RAPGEF2: variants seen among roughly 807,000 people sequenced by gnomAD.
RAPGEF2 encodes Rap guanine nucleotide exchange factor 2.
Under a neutral mutation model 186.7 loss-of-function variants are expected in RAPGEF2, and 54 were observed. That is an observed-to-expected ratio of 0.29 (90% CI 0.23 to 0.36). RAPGEF2 has a LOEUF of 0.36. RAPGEF2 is among the 10% of genes least tolerant of loss of function. The probability of loss-of-function intolerance (pLI) is 1.00; values close to 1 mark genes in which losing one functional copy is unlikely to be tolerated. For missense variants in RAPGEF2, 1,532 were observed against 2,045.0 expected, an observed-to-expected ratio of 0.75 and a Z score of 4.84; for synonymous variants, 712 against 705.9, an observed-to-expected ratio of 1.01 and a Z score of -0.14.
At chr4:159,178,506 T>TG (rs1222885423) in intron 1 of RAPGEF2, among the ~76,000 whole-genome samples, 4 of 149,356 alleles carry the variant, frequency 2.7e-5, no homozygotes, top group Non-Finnish European at 5.9e-5. Context: ...GCCCAGGATG[T>TG]GGGGTACTCT....
In RAPGEF2 at chr4:159,359,802, T is replaced by A. The variant is rs973562339; in HGVS notation, c.*1663T>A. ...TATTTGCCAGTTTTATTATATAGGC[T>A]ATGGACCTCATGTGCATATAGAAAG... On this transcript the variant is annotated 3_prime_UTR_variant, in exon 30 of 30. Coordinates refer to ENST00000691494, the MANE Select transcript of RAPGEF2 (RefSeq NM_001394067.2). The A allele has an allele frequency of 6.6e-6, 1 of 152,238 alleles. No individual in the cohort carries two copies. Among genetic ancestry groups the A allele is most frequent in the African/African-American group, 2.4e-5 (1 of 41,462 alleles). The allele number at this position is 152,238 out of a possible 1,614,324, so 9.4% of individuals were successfully genotyped here. A position where few individuals can be genotyped will look rare whatever the true frequency, so the allele number is the denominator to read the frequency against.
Position 159,241,352 on chromosome 4 carries a change from C to A in RAPGEF2, c.509C>A (p.Pro170His). ...DPYPMGKPPL[P>H]RGYHTECTKS... ...TATCCCATGGGCAAACCTCCTTTGCCTAGAGGCTATCACACGGTAAGTTAT... is the reference window on the plus strand; with the variant it reads ...TATCCCATGGGCAAACCTCCTTTGCATAGAGGCTATCACACGGTAAGTTAT... The change falls in exon 6 of 30, where the codon CCT becomes CAT. Residue 170 changes from proline to histidine, a missense_variant. Physicochemically the swap from Pro to His is moderately conservative, Grantham distance 77. Around this residue, in one of 4 missense-constraint regions of RAPGEF2, gnomAD observed 810 missense variants for 1,210.5 expected, o/e 0.67. Coordinates refer to ENST00000691494, the MANE Select transcript of RAPGEF2 (RefSeq NM_001394067.2). 1 of 1,495,040 alleles carries A rather than the reference C, an allele frequency of 6.7e-7. No individual in the cohort carries two copies. The highest frequency in any genetic ancestry group is 1.3e-5 in the South Asian group (1 of 75,742). The allele number at this position is 1,495,040 out of a possible 1,614,324, so 92.6% of individuals were successfully genotyped here. A position where few individuals can be genotyped will look rare whatever the true frequency, so the allele number is the denominator to read the frequency against.
chr4:159,104,522 G>C (rs546207858), intron 1 of RAPGEF2, among the ~76,000 whole-genome samples: 52 of 126,696 alleles, frequency 4.1e-4, no homozygotes, highest in African/African-American at 1.1e-3. Context: ...GAGAGAGAGA[G>C]AGAGGGAGAG....
rs140059260 is a variant in RAPGEF2, at chr4:159,247,960, C to T, written c.543+4169C>T. 3.4e-3 allele frequency among the ~76,000 whole-genome samples: 513 copies of T among 152,002 alleles called. 4 individuals are homozygous for T. The highest frequency in any genetic ancestry group is 0.012 in the African/African-American group (495 of 41,464). On this transcript the variant is annotated intron_variant, in intron 7 of 29. Transcript: ENST00000691494. ...TATTTTTAGTAGAGACAAGGTTTCT[C>T]CATATCCGTCAGGCTGGTCGCGAAC...
chr4:159,311,960 T>G (rs1236351816), intron 8 of RAPGEF2, among the ~76,000 whole-genome samples: 1 of 152,198 alleles, frequency 6.6e-6, no homozygotes, highest in Non-Finnish European at 1.5e-5. Flanking sequence ...AGTTTGTTTC[T>G]TAAAGCATGG....
rs1732432325 is a variant in RAPGEF2 at position 159,358,999 on chromosome 4, C to T, written c.*860C>T. On this transcript the variant is annotated 3_prime_UTR_variant, in exon 30 of 30. Transcript: ENST00000691494. ...GTTTGCACATGGCCAGGGGAGGGAA[C>T]TAGGACCCTTGTGTCCTGTCTGAGC... 1 of 152,274 alleles carries T rather than the reference C, an allele frequency of 6.6e-6. No individual in the cohort carries two copies. Among genetic ancestry groups the T allele is most frequent in the Non-Finnish European group, 1.5e-5 (1 of 68,088 alleles). The allele number at this position is 152,274 out of a possible 1,614,324, so 9.4% of individuals were successfully genotyped here.
chr4:159,263,358 T>G (rs1407530752), intron 7 of RAPGEF2, among the ~76,000 whole-genome samples: 1 of 152,206 alleles, frequency 6.6e-6, no homozygotes, highest in East Asian at 1.9e-4. Context: ...ATTAGTTTGA[T>G]GTACTCATAT....
At chr4:159,319,779 T>A (rs879169770) in intron 9 of RAPGEF2, among the ~76,000 whole-genome samples, 13 of 152,040 alleles carry the variant, frequency 8.6e-5, no homozygotes, top group Non-Finnish European at 1.6e-4. Flanking sequence ...GTTTTTTTTT[T>A]AATGCTAGCC....
At chr4:159,105,178 A>G (rs571860273) in intron 1 of RAPGEF2, among the ~76,000 whole-genome samples, 65 of 152,336 alleles carry the variant, frequency 4.3e-4, no homozygotes, top group African/African-American at 1.5e-3. Context: ...TGACTGGATA[A>G]TGACGCATAT....
chr4:159,282,007 T>G (rs1759784884), intron 7 of RAPGEF2, among the ~76,000 whole-genome samples: 1 of 152,166 alleles, frequency 6.6e-6, no homozygotes, highest in Admixed American at 6.5e-5. Flanking sequence ...GTAGGCAGAT[T>G]GCTTCAATGT....
intron 1 of RAPGEF2, among the ~76,000 whole-genome samples, chr4:159,183,746 A>AT (rs971726176): frequency 7.2e-5 from 11 of 151,980 alleles, no homozygotes; most frequent in Non-Finnish European, 1.3e-4. Context: ...TGAACAAAGA[A>AT]TTTTTTTTAT....
At chr4:159,264,797 C>G (rs958449010) in intron 7 of RAPGEF2, among the ~76,000 whole-genome samples, 4 of 152,074 alleles carry the variant, frequency 2.6e-5, no homozygotes, top group Non-Finnish European at 5.9e-5. Flanking sequence ...CTACTTTGTG[C>G]CTACGTGAAT....
intron 1 of RAPGEF2, among the ~76,000 whole-genome samples, chr4:159,179,003 G>A (rs985596982): frequency 2.0e-5 from 3 of 152,106 alleles, no homozygotes; most frequent in Admixed American, 1.3e-4. Context: ...AGCTTTATTG[G>A]TTTATCAATA....
intron 1 of RAPGEF2, among the ~76,000 whole-genome samples, chr4:159,153,336 G>A (rs551868855): frequency 6.6e-6 from 1 of 152,254 alleles, no homozygotes; most frequent in East Asian, 1.9e-4. Context: ...TGATTTAATC[G>A]ATTTGGAGTG....
At chr4:159,214,692 T>A (rs1750839399) in intron 4 of RAPGEF2, among the ~76,000 whole-genome samples, 1 of 152,212 alleles carries the variant, frequency 6.6e-6, no homozygotes, top group Admixed American at 6.5e-5. Flanking sequence ...TTATTAAAGA[T>A]AGGTTCAGGC....
intron 1 of RAPGEF2, among the ~76,000 whole-genome samples, chr4:159,123,750 C>T (rs1739978226): frequency 6.6e-6 from 1 of 151,986 alleles, no homozygotes; most frequent in African/African-American, 2.4e-5. Flanking sequence ...GATCTCCTGA[C>T]CTCGTGATCT....
intron 4 of RAPGEF2, among the ~76,000 whole-genome samples, chr4:159,217,456 G>A (rs1339971939): frequency 6.6e-6 from 1 of 152,180 alleles, no homozygotes; most frequent in Non-Finnish European, 1.5e-5. Context: ...GCGGCCTCCA[G>A]CTCCATCCAT....
intron 23 of RAPGEF2, among the ~76,000 whole-genome samples, chr4:159,344,758 A>G (rs561291489): frequency 6.6e-6 from 1 of 152,200 alleles, no homozygotes; most frequent in Non-Finnish European, 1.5e-5. Flanking sequence ...TAATGTTGCA[A>G]ATCTTAATGA....
chr4:159,144,177 T>C (rs1400401365), intron 1 of RAPGEF2, among the ~76,000 whole-genome samples: 1 of 149,926 alleles, frequency 6.7e-6, no homozygotes. Context: ...TCTGTATAGC[T>C]GCATAAACAG....
Sources: allele counts gnomAD v4.1 joint callset (sites outside exome capture counted in the v4.1 genomes callset), GRCh38; gene constraint gnomAD v4.1.1; regional missense constraint gnomAD v4.1.1; transcripts MANE v1.5; gene names NCBI Gene and HGNC (gene_info 2026-07-23, HGNC 2026-07-21).